Variants in PHOX2B observed in about 807,000 individuals in gnomAD.
PHOX2B encodes the protein paired like homeobox 2B.
Under a neutral mutation model 15.5 loss-of-function variants are expected in PHOX2B, and 1 was observed. That is an observed-to-expected ratio of 0.06 (90% CI 0.02 to 0.31). PHOX2B has a LOEUF of 0.31. PHOX2B is among the 10% of genes least tolerant of loss of function. The probability of loss-of-function intolerance (pLI) is 1.00; values close to 1 mark genes in which losing one functional copy is unlikely to be tolerated. For missense variants in PHOX2B, 314 were observed against 436.4 expected, an observed-to-expected ratio of 0.72 and a Z score of 2.50; for synonymous variants, 206 against 190.5, an observed-to-expected ratio of 1.08 and a Z score of -0.67.
chr4:41,748,709 T>C lies in PHOX2B; in HGVS notation c.-99A>G. The C allele has an allele frequency of 1.7e-6, 2 of 1,186,952 alleles. No individual in the cohort carries two copies. Among genetic ancestry groups the C allele is most frequent in the Non-Finnish European group, 1.2e-6 (1 of 812,116 alleles). The allele number at this position is 1,186,952 out of a possible 1,614,324, so 73.5% of individuals were successfully genotyped here. On this transcript the variant is annotated 5_prime_UTR_variant, in exon 1 of 3. Transcript: ENST00000226382. ...GGGGAGATGTGCACAGCTCAACGCC[T>C]GCCTCCAAACTGGCCTCCTTACTAC...
rs1733828989 is a variant in PHOX2B at position 41,744,738 on chromosome 4, A to G, written c.*1069T>C. 1 of 233,480 alleles carries G rather than the reference A, an allele frequency of 4.3e-6. No individual in the cohort carries two copies. Among genetic ancestry groups the G allele is most frequent in the African/African-American group, 2.2e-5 (1 of 45,312 alleles). The allele number at this position is 233,480 out of a possible 1,614,324, so 14.5% of individuals were successfully genotyped here. The stretch of plus-strand genomic sequence containing the variant: ...TTCCTTGCTCGGTAGATTTCTCTGC[A>G]GCCAGTTACGTGGACTGCAATTGAC... On this transcript the variant is annotated 3_prime_UTR_variant, in exon 3 of 3. Transcript: ENST00000226382.
intron 1 of PHOX2B, among the ~76,000 whole-genome samples, chr4:41,747,950 G>A (rs1445170590): frequency 2.0e-5 from 3 of 148,736 alleles, no homozygotes; most frequent in African/African-American, 5.0e-5. Flanking sequence ...AAAAGTTGGG[G>A]GAAAGAGCTG....
At chr4:41,747,038 C>A (rs889981176) in intron 2 of PHOX2B, among the ~76,000 whole-genome samples, 1 of 152,100 alleles carries the variant, frequency 6.6e-6, no homozygotes, top group Non-Finnish European at 1.5e-5. Flanking sequence ...AATACGGGAG[C>A]AAAGTCTGCA....
At chr4:41,747,099 C>G in intron 2 of PHOX2B, among the ~76,000 whole-genome samples, 1 of 152,324 alleles carries the variant, frequency 6.6e-6, no homozygotes, top group East Asian at 1.9e-4. Flanking sequence ...CGCTCATCCA[C>G]GTCCCAAGGC....
chr4:41,747,260 C>A (rs1733934756), intron 2 of PHOX2B, 89 bp downstream of exon 2: 2 of 1,089,016 alleles, frequency 1.8e-6, no homozygotes, highest in East Asian at 4.8e-5. Flanking sequence ...ACTCGAGGCT[C>A]CAGGACTTCG....
chr4:41,747,698 T>C, intron 1 of PHOX2B, 162 bp from the exon 2 acceptor site: 1 of 719,290 alleles, frequency 1.4e-6, no homozygotes, highest in Non-Finnish European at 2.5e-6. Context: ...ACCGAGGAAA[T>C]TTGTTATCTG....
In PHOX2B at chr4:41,745,956, C is replaced by A. The variant is rs1260084723; in HGVS notation, c.796G>T (p.Ala266Ser). ...GCCCAGCCTTGTCCAGGGCCCCCAG[C>A]CGCAGCCAGGCCTCCAGCTGCCGCC... is the stretch of plus-strand genomic sequence containing the variant. ...AAAAAGGLAA[A>S]GGPGQGWAPG... The change falls in exon 3 of 3, where the codon GCT (alanine) becomes TCT (serine). Residue 266 changes from alanine (A) to serine (S), a missense_variant. Physicochemically the swap from Ala to Ser is moderately conservative, Grantham distance 99. This residue lies in a region of PHOX2B where 157 missense variants were observed against 169.0 expected (regional missense o/e 0.93). Transcript: ENST00000226382. This position sits in a 1 kb window ranked among gnomAD's most constrained non-coding sequence, Gnocchi z 4.0. The A allele has an allele frequency of 1.4e-5, 20 of 1,453,226 alleles. 1 individual carries two copies. In the Admixed American group the frequency reaches 3.7e-4, roughly 27 times the overall value. 90.0% of individuals were successfully genotyped at this position (1,453,226 alleles called of 1,614,324 possible). A position where few individuals can be genotyped will look rare whatever the true frequency, so the allele number is the denominator to read the frequency against.
rs114158743 is a variant in PHOX2B at position 41,747,269 on chromosome 4, C to A, written c.429+80G>T. 1.1e-3 allele frequency: 1,323 copies of A among 1,221,506 alleles called. 18 individuals carry two copies. The African/African-American group carries it at 0.018, about 17-fold the overall frequency. The allele number at this position is 1,221,506 out of a possible 1,614,324, so 75.7% of individuals were successfully genotyped here. A position where few individuals can be genotyped will look rare whatever the true frequency, so the allele number is the denominator to read the frequency against. ...CTTCTCACTCGAGGCTCCAGGACTTCGAATTTCACCAGCCGCCCCTCACCC... is the reference window on the plus strand; with the variant it reads ...CTTCTCACTCGAGGCTCCAGGACTTAGAATTTCACCAGCCGCCCCTCACCC... On this transcript the variant is annotated intron_variant, in intron 2 of 2. Transcript: ENST00000226382.
rs1372476793 is a variant in PHOX2B, at chr4:41,747,379, C to T, written c.399G>A (p.Leu133=). The T allele has an allele frequency of 6.2e-7, 1 of 1,609,104 alleles. No homozygotes were observed. Among genetic ancestry groups the T allele is most frequent in the South Asian group, 1.1e-5 (1 of 91,058 alleles). ...PDIYTREELA[L]KIDLTEARVQ... is the part of the protein sequence containing the mutation. ...CTCGCGCCTCTGTGAGGTCGATCTT[C>T]AGGGCCAGCTCCTCCCGAGTGTAGA... Residue 133 remains leucine (L), a synonymous_variant, in exon 2 of 3, where the codon CTG becomes CTA. Coordinates refer to ENST00000226382, the MANE Select transcript of PHOX2B (RefSeq NM_003924.4).
In PHOX2B at chr4:41,746,330, A is replaced by G. The variant is rs1577559429; in HGVS notation, c.430-8T>C. 1 of 1,613,622 alleles carries G rather than the reference A, an allele frequency of 6.2e-7. No homozygotes were observed. The stretch of plus-strand genomic sequence containing the variant: ...GCGGTTCTGGAACCACACCTGGCCC[A>G]AGACGGAAGGAGAGACGGTGAAGCA... On this transcript the variant is annotated splice_polypyrimidine_tract_variant and splice_region_variant and intron_variant, in intron 2 of 2. Coordinates refer to ENST00000226382, the MANE Select transcript of PHOX2B (RefSeq NM_003924.4).
At chr4:41,746,578 A>G (rs867135902) in intron 2 of PHOX2B, among the ~76,000 whole-genome samples, 1 of 152,184 alleles carries the variant, frequency 6.6e-6, no homozygotes, top group South Asian at 2.1e-4. Flanking sequence ...AAAAAGCCGC[A>G]GGTCCCAGAA....
In PHOX2B at chr4:41,746,155, ACCTGGGCCC is replaced by A; in HGVS notation, c.588_596del (p.Gly197_Gly199del). 6.2e-7 allele frequency: 1 copy of A among 1,612,040 alleles called. No homozygotes were observed. Among genetic ancestry groups the A allele is most frequent in the Non-Finnish European group, 8.5e-7 (1 of 1,179,690 alleles). On this transcript the variant is annotated inframe_deletion, in exon 3 of 3. Coordinates refer to ENST00000226382, the MANE Select transcript of PHOX2B (RefSeq NM_003924.4). ...AGCTGGGGGTGGGGTTGGGATTGGG[ACCTGGGCCC>A]CCAGTGCTGTCCGGGTCAGTGCTCT...
Position 41,746,027 on chromosome 4 carries a change from G to C in PHOX2B, c.725C>G (p.Ala242Gly). The change falls in exon 3 of 3, where the codon GCA (alanine) becomes GGA (glycine). Residue 242 changes from alanine (A) to glycine (G), a missense_variant. Coordinates refer to ENST00000226382, the MANE Select transcript of PHOX2B (RefSeq NM_003924.4). The stretch of plus-strand genomic sequence containing the variant: ...CGCTGCCGCGGCCGCCGCCGCTGCT[G>C]CTGCGCCGCCCTTGCCGGGTTCGCC... ...PGGEPGKGGA[A>G]AAAAAAAAAA... 8.4e-7 allele frequency: 1 copy of C among 1,184,896 alleles called. No homozygotes were observed. The highest frequency in any genetic ancestry group is 1.0e-6 in the Non-Finnish European group (1 of 961,666). 73.4% of individuals were successfully genotyped at this position (1,184,896 alleles called of 1,614,324 possible).
chr4:41,747,628 A>G (rs1349025394), intron 1 of PHOX2B, 92 bp from the exon 2 acceptor site: 1 of 1,058,102 alleles, frequency 9.5e-7, no homozygotes, highest in Admixed American at 1.7e-5. Context: ...AGGTCAGGTC[A>G]TACGGCAGCC....
In PHOX2B at chr4:41,745,738, G is replaced by A; in HGVS notation, c.*69C>T. The A allele has an allele frequency of 1.9e-6, 3 of 1,545,036 alleles. No homozygotes were observed. The South Asian group carries it at 3.6e-5, about 18-fold the overall frequency. Reference sequence around the variant, plus strand: ...ACAATAGCCTTGGGCCTACCCGCTCGCCCACTCGCCCGCCCGGGCCCTGGC... The same window carrying A: ...ACAATAGCCTTGGGCCTACCCGCTCACCCACTCGCCCGCCCGGGCCCTGGC... On this transcript the variant is annotated 3_prime_UTR_variant, in exon 3 of 3. Transcript: ENST00000226382. This position sits in a 1 kb window ranked among gnomAD's most constrained non-coding sequence, Gnocchi z 4.0.
rs1577559429 is a variant in PHOX2B at position 41,746,330 on chromosome 4, A to C, written c.430-8T>G. The C allele has an allele frequency of 2.5e-6, 4 of 1,613,622 alleles. No homozygotes were observed. The highest frequency in any genetic ancestry group is 3.4e-6 in the Non-Finnish European group (4 of 1,179,776). The stretch of plus-strand genomic sequence containing the variant: ...GCGGTTCTGGAACCACACCTGGCCC[A>C]AGACGGAAGGAGAGACGGTGAAGCA... On this transcript the variant is annotated splice_polypyrimidine_tract_variant and splice_region_variant and intron_variant, in intron 2 of 2. Coordinates refer to ENST00000226382, the MANE Select transcript of PHOX2B (RefSeq NM_003924.4).
At position 41,745,667 on chromosome 4, in the gene PHOX2B, G is replaced by T; in HGVS notation, c.*140C>A. 1 of 1,038,542 alleles carries T rather than the reference G, an allele frequency of 9.6e-7. No homozygotes were observed. Among genetic ancestry groups the T allele is most frequent in the Non-Finnish European group, 1.3e-6 (1 of 743,450 alleles). The allele number at this position is 1,038,542 out of a possible 1,614,324, so 64.3% of individuals were successfully genotyped here. The stretch of plus-strand genomic sequence containing the variant: ...ACGCCGTTTTCCCTTTATTCTTAGC[G>T]CGATTACTTTAGGCCCTCAATGAAA... On this transcript the variant is annotated 3_prime_UTR_variant, in exon 3 of 3. Transcript: ENST00000226382. This position sits in a 1 kb window ranked among gnomAD's most constrained non-coding sequence, Gnocchi z 4.0.
chr4:41,745,936 G>A lies in PHOX2B; in HGVS notation c.816C>T (p.Gly272=). The change falls in exon 3 of 3, where the codon GGC becomes GGT. Residue 272 remains glycine, a synonymous_variant. Coordinates refer to ENST00000226382, the MANE Select transcript of PHOX2B (RefSeq NM_003924.4). This position sits in a 1 kb window ranked among gnomAD's most constrained non-coding sequence, Gnocchi z 4.0. ...TGATGGGGCCGGGGCCGGGAGCCCA[G>A]CCTTGTCCAGGGCCCCCAGCCGCAG... is the stretch of plus-strand genomic sequence containing the variant. ...GLAAAGGPGQ[G]WAPGPGPITS... is the part of the protein sequence containing the mutation. 1 of 1,576,018 alleles carries A rather than the reference G, an allele frequency of 6.3e-7. No homozygotes were observed. The highest frequency in any genetic ancestry group is 8.6e-7 in the Non-Finnish European group (1 of 1,163,186).
At chr4:41,748,178 C>A in intron 1 of PHOX2B, 192 bp downstream of exon 1, 1 of 640,710 alleles carries the variant, frequency 1.6e-6, no homozygotes, top group Non-Finnish European at 2.7e-6. Flanking sequence ...TCGGGTGTGA[C>A]TAGGATAGTG....
Sources: allele counts gnomAD v4.1 joint callset (sites outside exome capture counted in the v4.1 genomes callset), GRCh38; gene constraint gnomAD v4.1.1; regional missense constraint gnomAD v4.1.1; non-coding constraint Gnocchi (gnomAD v3.1); transcripts MANE v1.5; gene names NCBI Gene and HGNC (gene_info 2026-07-23, HGNC 2026-07-21).